Variants in KCTD8 observed in about 807,000 individuals in gnomAD.
KCTD8 encodes the protein BTB/POZ domain-containing protein KCTD8.
KCTD8 carries 27 observed loss-of-function variants against 31.5 expected under a neutral mutation model. The ratio of observed to expected loss-of-function variants is 0.86; its 90% CI spans 0.63 to 1.18. The LOEUF is 1.18. Among genes scored for constraint, KCTD8 ranks in the 50% most tolerant of loss-of-function variants. The pLI is 0.00. For missense variants in KCTD8, 658 were observed against 647.7 expected (o/e 1.02, Z -0.17); for synonymous variants, 290 against 280.0 (o/e 1.04, Z -0.36).
intron 1 of KCTD8, among the ~76,000 whole-genome samples, chr4:44,412,449 T>C (rs530716029): frequency 6.6e-6 from 1 of 152,288 alleles, no homozygotes; most frequent in Admixed American, 6.5e-5. Flanking sequence ...AAAGAATAGT[T>C]TGTTGGAATA....
chr4:44,434,299 T>A (rs1721588366), intron 1 of KCTD8, among the ~76,000 whole-genome samples: 1 of 151,932 alleles, frequency 6.6e-6, no homozygotes, highest in Non-Finnish European at 1.5e-5. Context: ...TTAACTTTAG[T>A]GAGCCTTGAC....
chr4:44,225,648 C>T (rs79033921), intron 1 of KCTD8, among the ~76,000 whole-genome samples: 5,009 of 151,820 alleles, frequency 0.033, 151 homozygotes, highest in Non-Finnish European at 0.047. Flanking sequence ...AAAAAAATAA[C>T]CCTTGTGTTG....
intron 1 of KCTD8, among the ~76,000 whole-genome samples, chr4:44,308,411 C>A (rs1007063147): frequency 6.6e-5 from 10 of 151,866 alleles, no homozygotes; most frequent in Non-Finnish European, 1.3e-4. Context: ...ATCTCAATTT[C>A]CAGGTATAAT....
intron 1 of KCTD8, among the ~76,000 whole-genome samples, chr4:44,247,857 C>T (rs1163543297): frequency 1.3e-5 from 2 of 151,798 alleles, no homozygotes; most frequent in South Asian, 2.1e-4. Context: ...ATCCATTCAT[C>T]GATCAACGGA....
chr4:44,261,788 ATT>A (rs748483695), intron 1 of KCTD8, among the ~76,000 whole-genome samples: 2 of 151,996 alleles, frequency 1.3e-5, no homozygotes, highest in Non-Finnish European at 2.9e-5. Flanking sequence ...GCTGAATAAT[ATT>A]TCATTATAAG....
At chr4:44,256,028 G>C (rs142583464) in intron 1 of KCTD8, among the ~76,000 whole-genome samples, 36 of 151,998 alleles carry the variant, frequency 2.4e-4, no homozygotes, top group Admixed American at 6.6e-4. Flanking sequence ...AATCATGGTA[G>C]AAGTCAAAGG....
At chr4:44,192,842 G>A (rs9995274) in intron 1 of KCTD8, among the ~76,000 whole-genome samples, 30,986 of 152,000 alleles carry the variant, frequency 0.2, 3,347 homozygotes, top group South Asian at 0.32. Flanking sequence ...AGAAGAATAC[G>A]GAGAGATTAG....
At chr4:44,422,285 G>A (rs1454133545) in intron 1 of KCTD8, among the ~76,000 whole-genome samples, 1 of 151,886 alleles carries the variant, frequency 6.6e-6, no homozygotes, top group Non-Finnish European at 1.5e-5. Flanking sequence ...ATAATATGAG[G>A]ATTTTCTTTT....
In KCTD8 at chr4:44,448,183, C is replaced by A; in HGVS notation, c.341G>T (p.Arg114Leu). ...FLFRYVLDYL[R>L]DKQLALPEHF... ...CTCCGGCAGCGCGAGTTGCTTGTCCCGCAGATAATCCAGCACGTACCTGAA... is the reference window on the plus strand; with the variant it reads ...CTCCGGCAGCGCGAGTTGCTTGTCCAGCAGATAATCCAGCACGTACCTGAA... The change falls in exon 1 of 2, where the codon CGG (arginine) becomes CTG (leucine). Residue 114 changes from arginine (R) to leucine (L), a missense_variant. Transcript: ENST00000360029. This position sits in a 1 kb window ranked among gnomAD's most constrained non-coding sequence, Gnocchi z 4.1. 2.5e-6 allele frequency: 4 copies of A among 1,612,414 alleles called. No individual in the cohort carries two copies. The highest frequency in any genetic ancestry group is 2.5e-6 in the Non-Finnish European group (3 of 1,179,688).
intron 1 of KCTD8, among the ~76,000 whole-genome samples, chr4:44,296,124 T>C (rs1717423887): frequency 6.6e-6 from 1 of 152,182 alleles, no homozygotes; most frequent in Non-Finnish European, 1.5e-5. Flanking sequence ...AATGGCAGCA[T>C]AGTGCAAACA....
chr4:44,269,043 T>C (rs1037275110), intron 1 of KCTD8, among the ~76,000 whole-genome samples: 2 of 152,110 alleles, frequency 1.3e-5, no homozygotes, highest in Non-Finnish European at 2.9e-5. Context: ...AAAACTACTT[T>C]AAAGTTCATA....
intron 1 of KCTD8, among the ~76,000 whole-genome samples, chr4:44,442,345 G>T (rs1292144723): frequency 6.6e-6 from 1 of 152,170 alleles, no homozygotes; most frequent in South Asian, 2.1e-4. Context: ...CCAGCACTTT[G>T]GGAGTCCTAG....
chr4:44,268,874 C>T (rs1391071649), intron 1 of KCTD8, among the ~76,000 whole-genome samples: 1 of 152,042 alleles, frequency 6.6e-6, no homozygotes, highest in Non-Finnish European at 1.5e-5. Context: ...CAAACCACTG[C>T]TCAATGAAAT....
chr4:44,241,660 A>G (rs1252973989), intron 1 of KCTD8, among the ~76,000 whole-genome samples: 2 of 152,228 alleles, frequency 1.3e-5, no homozygotes, highest in Admixed American at 1.3e-4. Flanking sequence ...ATGAAACCTA[A>G]TAACTATCTT....
At chr4:44,334,804 TA>T (rs2109414709) in intron 1 of KCTD8, among the ~76,000 whole-genome samples, 1 of 152,232 alleles carries the variant, frequency 6.6e-6, no homozygotes, top group South Asian at 2.1e-4. Context: ...GCCCATTAAA[TA>T]AATAAATACA....
intron 1 of KCTD8, among the ~76,000 whole-genome samples, chr4:44,204,835 TTTTA>T (rs1714255332): frequency 6.6e-6 from 1 of 152,044 alleles, no homozygotes; most frequent in African/African-American, 2.4e-5. Context: ...AAAATATTAT[TTTTA>T]TTTGATAGTA....
At chr4:44,215,013 T>C (rs1714607980) in intron 1 of KCTD8, among the ~76,000 whole-genome samples, 1 of 152,178 alleles carries the variant, frequency 6.6e-6, no homozygotes, top group Admixed American at 6.5e-5. Flanking sequence ...TCATCTAGTC[T>C]TGTGGCCCCC....
chr4:44,222,875 G>C (rs1471417775), intron 1 of KCTD8, among the ~76,000 whole-genome samples: 4 of 152,192 alleles, frequency 2.6e-5, no homozygotes, highest in Non-Finnish European at 5.9e-5. Context: ...TAGCTGGTTA[G>C]TATTGGATAA....
At chr4:44,300,312 A>C (rs564342766) in intron 1 of KCTD8, among the ~76,000 whole-genome samples, 4 of 152,158 alleles carry the variant, frequency 2.6e-5, no homozygotes, top group African/African-American at 9.7e-5. Context: ...ACTGTCCACA[A>C]TGGATCTAAT....
Sources: gnomAD v4.1 joint callset for allele counts (sites outside exome capture counted in the v4.1 genomes callset) on GRCh38, gnomAD v4.1.1 for gene constraint, Gnocchi (gnomAD v3.1) non-coding constraint, MANE v1.5 for transcripts, NCBI Gene and HGNC (gene_info 2026-07-23, HGNC 2026-07-21) for gene names.